The following POU2AF2 variants were observed in gnomAD, a reference collection of about 807,000 sequenced individuals.
POU2AF2 encodes the protein POU domain class 2-associating factor 2.
chr11:111,249,271 G>A, the POU2AF2 span, among the ~76,000 whole-genome samples: 490 of 152,072 alleles, frequency 3.2e-3, no homozygotes, highest in Middle Eastern at 6.8e-3. Flanking sequence ...TTTTGGAGTA[G>A]GAATCCTGGT....
the POU2AF2 span, among the ~76,000 whole-genome samples, chr11:111,284,796 C>A: frequency 6.6e-6 from 1 of 152,104 alleles, no homozygotes; most frequent in Non-Finnish European, 1.5e-5. Context: ...GTACATAGGG[C>A]TCCTCTTTCT....
At chr11:111,278,775 T>A in the POU2AF2 span, among the ~76,000 whole-genome samples, 4 of 152,246 alleles carry the variant, frequency 2.6e-5, no homozygotes, top group African/African-American at 9.6e-5. Context: ...GGGCTGTGTA[T>A]GCAAGAAGTG....
chr11:111,247,019 C>T, the POU2AF2 span, among the ~76,000 whole-genome samples: 1 of 151,866 alleles, frequency 6.6e-6, no homozygotes, highest in Non-Finnish European at 1.5e-5. Context: ...ATATACTTGA[C>T]CTTTTTTTTC....
the POU2AF2 span, among the ~76,000 whole-genome samples, chr11:111,281,967 T>C: frequency 2.0e-5 from 3 of 152,144 alleles, no homozygotes; most frequent in South Asian, 2.1e-4. Flanking sequence ...CATTCCCTAA[T>C]AGTTTTATCA....
chr11:111,269,312 A>G, the POU2AF2 span, among the ~76,000 whole-genome samples: 4 of 152,198 alleles, frequency 2.6e-5, no homozygotes. Context: ...TGAATGCTTT[A>G]CTAAGCCTTT....
chr11:111,268,557 G>T, the POU2AF2 span, among the ~76,000 whole-genome samples: 2 of 128,874 alleles, frequency 1.6e-5, 1 homozygote. Flanking sequence ...ATTTTGAGAT[G>T]GAGTCTCGCT....
chr11:111,278,565 TCTCTCTCTCTC>T, the POU2AF2 span, among the ~76,000 whole-genome samples: 1 of 81,762 alleles, frequency 1.2e-5, no homozygotes, highest in African/African-American at 3.7e-5. Flanking sequence ...TGTCTCTCTC[TCTCTCTCTCTC>T]TCTCTCTCTC....
At chr11:111,255,276 C>T in the POU2AF2 span, among the ~76,000 whole-genome samples, 3 of 152,134 alleles carry the variant, frequency 2.0e-5, no homozygotes, top group African/African-American at 7.2e-5. Context: ...ACCTCAGTTT[C>T]CCCATCTGTA....
the POU2AF2 span, among the ~76,000 whole-genome samples, chr11:111,257,535 A>T: frequency 6.6e-6 from 1 of 151,336 alleles, no homozygotes; most frequent in South Asian, 2.1e-4. Context: ...CGCCCCACTA[A>T]TTGTGTTTTT....
At chr11:111,274,532 G>T in the POU2AF2 span, among the ~76,000 whole-genome samples, 1 of 151,540 alleles carries the variant, frequency 6.6e-6, no homozygotes, top group African/African-American at 2.4e-5. Context: ...TCACTCAAAG[G>T]ATTAAGGATG....
the POU2AF2 span, among the ~76,000 whole-genome samples, chr11:111,257,463 G>C: frequency 6.6e-6 from 1 of 151,488 alleles, no homozygotes; most frequent in Non-Finnish European, 1.5e-5. Context: ...AGGTTCAAGC[G>C]ATTCAAGCGA....
At chr11:111,272,022 A>C in the POU2AF2 span, among the ~76,000 whole-genome samples, 29 of 152,312 alleles carry the variant, frequency 1.9e-4, no homozygotes, top group African/African-American at 7.0e-4. Context: ...CATCTCAAAA[A>C]AAAGAACTTT....
the POU2AF2 span, among the ~76,000 whole-genome samples, chr11:111,274,703 A>T: frequency 1.3e-5 from 2 of 151,136 alleles, no homozygotes; most frequent in East Asian, 3.9e-4. Flanking sequence ...ATAATAAATG[A>T]TCTCTCTGGA....
the POU2AF2 span, chr11:111,285,864 C>T: frequency 9.9e-6 from 16 of 1,610,048 alleles, no homozygotes; most frequent in Admixed American, 1.7e-5. Context: ...CACCACACTC[C>T]GGGGTACCCT....
the POU2AF2 span, among the ~76,000 whole-genome samples, chr11:111,248,555 C>T: frequency 6.6e-6 from 1 of 152,170 alleles, no homozygotes; most frequent in Non-Finnish European, 1.5e-5. Flanking sequence ...GAGTGTAATT[C>T]GGAGAGACAT....
chr11:111,269,256 T>C, the POU2AF2 span, among the ~76,000 whole-genome samples: 33 of 152,152 alleles, frequency 2.2e-4, no homozygotes, highest in South Asian at 4.2e-4. Context: ...AAAACACCAA[T>C]GTTTGAATAC....
chr11:111,256,498 C>G, the POU2AF2 span, among the ~76,000 whole-genome samples: 1 of 152,372 alleles, frequency 6.6e-6, no homozygotes, highest in Middle Eastern at 3.4e-3. Context: ...TGGTGCTCCT[C>G]CTGACTGAGG....
At chr11:111,262,639 C>A in the POU2AF2 span, among the ~76,000 whole-genome samples, 202 of 152,286 alleles carry the variant, frequency 1.3e-3, 4 homozygotes, top group East Asian at 0.034. Flanking sequence ...AGAGAAGCTG[C>A]TCCTTCTTTC....
the POU2AF2 span, among the ~76,000 whole-genome samples, chr11:111,275,312 G>A: frequency 2.0e-5 from 3 of 152,180 alleles, no homozygotes; most frequent in East Asian, 1.9e-4. Context: ...CCAAAGCTGG[G>A]GGTAGGGGCA....
Sources: allele counts gnomAD v4.1 joint callset (sites outside exome capture counted in the v4.1 genomes callset), GRCh38; gene constraint gnomAD v4.1.1; transcripts MANE v1.5; gene names NCBI Gene and HGNC (gene_info 2026-07-23, HGNC 2026-07-21).